Variants in AGBL2 observed in about 807,000 individuals in gnomAD.
AGBL2 encodes cytosolic carboxypeptidase 2.
In AGBL2, 87 loss-of-function variants were observed where a neutral mutation model predicts 103.0. That is an observed-to-expected ratio of 0.84 (90% CI 0.71 to 1.01). The LOEUF is 1.01. AGBL2 is among the 50% of genes least tolerant of loss of function. The probability of loss-of-function intolerance (pLI) is 0.00; values close to 1 mark genes in which losing one functional copy is unlikely to be tolerated. For missense variants in AGBL2, 904 were observed against 1,023.5 expected (o/e 0.88, Z 1.59); for synonymous variants, 335 against 356.7 (o/e 0.94, Z 0.69).
At chr11:47,694,005 C>T (rs1176528252) in intron 8 of AGBL2, among the ~76,000 whole-genome samples, 1 of 152,044 alleles carries the variant, frequency 6.6e-6, no homozygotes, top group Non-Finnish European at 1.5e-5. Flanking sequence ...GCCTGGGCAA[C>T]ATGGCAAAAT....
At chr11:47,684,592 AAAATAAAT>A (rs780229148) in intron 11 of AGBL2, among the ~76,000 whole-genome samples, 3 of 151,670 alleles carry the variant, frequency 2.0e-5, no homozygotes, top group South Asian at 4.1e-4. Context: ...AAAAATAAGT[AAAATAAAT>A]AAATAAATAA....
At chr11:47,699,836 G>C (rs1001326126) in intron 7 of AGBL2, among the ~76,000 whole-genome samples, 5 of 152,108 alleles carry the variant, frequency 3.3e-5, no homozygotes, top group African/African-American at 7.2e-5. Context: ...TGCTGCAACA[G>C]CTCTTCAAAA....
intron 11 of AGBL2, among the ~76,000 whole-genome samples, chr11:47,685,637 G>T (rs1304523824): frequency 1.3e-5 from 2 of 151,934 alleles, no homozygotes; most frequent in African/African-American, 4.8e-5. Flanking sequence ...GGTCAGGCTG[G>T]TCTCGAACTC....
rs907791180 is a variant in AGBL2, at chr11:47,668,875, C to T, written c.2180G>A (p.Gly727Asp). ...TSGSDSSLSD[G>D]LPVHLANIAD... ...TATGTTTGCTAGGTGAACAGGAAGA[C>T]CATCTGAGAGAGAACTGTCAGAGCC... Residue 727 changes from glycine to aspartate, a missense_variant, in exon 15 of 19, where the codon GGT becomes GAT. Physicochemically the swap from Gly to Asp is moderately conservative, Grantham distance 94. Coordinates refer to ENST00000525123, the MANE Select transcript of AGBL2 (RefSeq NM_024783.4). 5.0e-6 allele frequency: 8 copies of T among 1,613,058 alleles called. No homozygotes were observed. The East Asian group carries it at 1.3e-4, about 27-fold the overall frequency.
At chr11:47,671,181 C>A (rs2097356244) in intron 14 of AGBL2, among the ~76,000 whole-genome samples, 1 of 152,016 alleles carries the variant, frequency 6.6e-6, no homozygotes, top group African/African-American at 2.4e-5. Context: ...TTGGCTAGAA[C>A]CAAGAGCTGT....
Position 47,663,032 on chromosome 11 carries a change from T to G in AGBL2, c.2529A>C (p.Arg843Ser). 6.2e-7 allele frequency: 1 copy of G among 1,608,854 alleles called. No homozygotes were observed. The highest frequency in any genetic ancestry group is 8.5e-7 in the Non-Finnish European group (1 of 1,177,128). Residue 843 changes from arginine (R) to serine (S), a missense_variant, in exon 18 of 19, where the codon AGA becomes AGC. By Grantham distance (110) the Arg-to-Ser change is moderately radical (BLOSUM62 -1). Coordinates refer to ENST00000525123, the MANE Select transcript of AGBL2 (RefSeq NM_024783.4). ...AGTATATTAGGTGAAGTACCTGCATTCTCCCTTTATTCTTAGGCAGAATCA... is the reference window on the plus strand; with the variant it reads ...AGTATATTAGGTGAAGTACCTGCATGCTCCCTTTATTCTTAGGCAGAATCA... ...ATLILPKNKG[R>S]MQNKKPGFTV... is the part of the protein sequence containing the mutation.
At chr11:47,686,447 G>GTTTTTT (rs563969184) in intron 10 of AGBL2, among the ~76,000 whole-genome samples, 14 of 105,058 alleles carry the variant, frequency 1.3e-4, no homozygotes, top group Admixed American at 2.4e-4. Context: ...TTTGTTTCTG[G>GTTTTTT]TTTTTTTTTT....
At chr11:47,709,313 C>T (rs1306160528) in intron 4 of AGBL2, among the ~76,000 whole-genome samples, 1 of 137,456 alleles carries the variant, frequency 7.3e-6, no homozygotes, top group Non-Finnish European at 1.5e-5. Flanking sequence ...ATGATGACAG[C>T]TTGGATGGGA....
rs975677102 is a variant in AGBL2 at position 47,667,214 on chromosome 11, T to C, written c.2341-151A>G. The C allele has an allele frequency of 1.4e-5, 9 of 640,842 alleles. No homozygotes were observed. The African/African-American group carries it at 1.5e-4, about 10-fold the overall frequency. 39.7% of individuals were successfully genotyped at this position (640,842 alleles called of 1,614,324 possible). A position where few individuals can be genotyped will look rare whatever the true frequency, so the allele number is the denominator to read the frequency against. On this transcript the variant is annotated intron_variant, in intron 16 of 18. Coordinates refer to ENST00000525123, the MANE Select transcript of AGBL2 (RefSeq NM_024783.4). ...GTGTGGCAGCTTGGACAAAGATTGA[T>C]GAGCTATCCAGCTGTCTTAGCCTGG...
At chr11:47,690,958 A>G (rs546573660) in intron 9 of AGBL2, 100 bp from the exon 10 acceptor site, 2 of 944,870 alleles carry the variant, frequency 2.1e-6, no homozygotes, top group East Asian at 2.6e-5. Context: ...AGGTCTTATT[A>G]CAACAGAAAA....
chr11:47,696,014 AAAAAAAAAAAAAAAAAAAAAAAG>A (rs1438451980), intron 8 of AGBL2, among the ~76,000 whole-genome samples: 1 of 26,860 alleles, frequency 3.7e-5, no homozygotes, highest in Non-Finnish European at 6.7e-5. Flanking sequence ...AAAATACAAA[AAAAAAAAAAAAAAAAAAAAAAAG>A]AAAAAAAAAA....
chr11:47,682,306 A>AG (rs201956819), intron 11 of AGBL2, among the ~76,000 whole-genome samples: 13,947 of 152,216 alleles, frequency 0.092, 799 homozygotes, highest in Non-Finnish European at 0.13. Context: ...ATGAAGGGTT[A>AG]ACAAAACTAA....
At chr11:47,676,285 C>T (rs1344555822) in intron 14 of AGBL2, among the ~76,000 whole-genome samples, 1 of 152,116 alleles carries the variant, frequency 6.6e-6, no homozygotes, top group African/African-American at 2.4e-5. Flanking sequence ...AATCCACAGG[C>T]AAATCCTAAT....
rs1245980771 is a variant in AGBL2, at chr11:47,714,300, A to G, written c.81T>C (p.Tyr27=). 1 of 1,612,856 alleles carries G rather than the reference A, an allele frequency of 6.2e-7. No homozygotes were observed. The part of the protein sequence containing the change: ...YEDFMYRHLQ[Y]YGYFKAQRGS... Reference sequence around the variant, plus strand: ...TGGTATTACCTTTAAAGTAGCCATAATATTGGAGGTGACGGTACATAAAGT... The same window carrying G: ...TGGTATTACCTTTAAAGTAGCCATAGTATTGGAGGTGACGGTACATAAAGT... The change falls in exon 3 of 19, where the codon TAT becomes TAC. Residue 27 remains tyrosine (Y), a synonymous_variant. Coordinates refer to ENST00000525123, the MANE Select transcript of AGBL2 (RefSeq NM_024783.4).
At position 47,681,959 on chromosome 11, in the gene AGBL2, G is replaced by A. The variant is rs377200932; in HGVS notation, c.1915+10C>T. ...CTATGCTGGCCTATGATATACAAAA[G>A]AGAATGTACCCAGGGTGGACCCGCC... is the stretch of plus-strand genomic sequence containing the variant. On this transcript the variant is annotated intron_variant, in intron 12 of 18. Coordinates refer to ENST00000525123, the MANE Select transcript of AGBL2 (RefSeq NM_024783.4). 1.2e-6 allele frequency: 2 copies of A among 1,611,468 alleles called. No homozygotes were observed. The highest frequency in any genetic ancestry group is 8.5e-7 in the Non-Finnish European group (1 of 1,179,374).
chr11:47,684,534 C>A (rs10838745), intron 11 of AGBL2, among the ~76,000 whole-genome samples: 2 of 146,020 alleles, frequency 1.4e-5, no homozygotes, highest in Non-Finnish European at 3.0e-5. Flanking sequence ...CCATCCTGGG[C>A]GACAGAACAA....
chr11:47,665,990 C>T (rs886847304), intron 17 of AGBL2, among the ~76,000 whole-genome samples: 19 of 151,660 alleles, frequency 1.3e-4, no homozygotes, highest in African/African-American at 4.6e-4. Flanking sequence ...GCCTGCGTGA[C>T]AGAATGAGAC....
chr11:47,686,052 A>G lies in AGBL2; in HGVS notation c.1632-3T>C. ...GAACCTCTCTTTCTTCAAGAAGTCT[A>G]TTGAGGGGGCAAACAAAGGACTCAG... On this transcript the variant is annotated splice_region_variant and splice_polypyrimidine_tract_variant and intron_variant, in intron 10 of 18. Transcript: ENST00000525123. The G allele has an allele frequency of 6.2e-7, 1 of 1,613,496 alleles. No homozygotes were observed. The highest frequency in any genetic ancestry group is 8.5e-7 in the Non-Finnish European group (1 of 1,179,870).
chr11:47,689,933 CAA>C, intron 10 of AGBL2, 141 bp downstream of exon 10: 1 of 667,724 alleles, frequency 1.5e-6, no homozygotes, highest in Non-Finnish European at 2.3e-6. Flanking sequence ...CACTTGACTA[CAA>C]AGAGACTGGT....
Sources: gnomAD v4.1 joint callset for allele counts (sites outside exome capture counted in the v4.1 genomes callset) on GRCh38, gnomAD v4.1.1 for gene constraint, MANE v1.5 for transcripts, NCBI Gene and HGNC (gene_info 2026-07-23, HGNC 2026-07-21) for gene names.